Variants in FGF12 observed in about 807,000 individuals in gnomAD.
FGF12 encodes the protein fibroblast growth factor 12.
In FGF12, 14 loss-of-function variants were observed where a neutral mutation model predicts 23.6. That is an observed-to-expected ratio of 0.59 (90% CI 0.39 to 0.93). The LOEUF is 0.93. FGF12 is among the 40% of genes least tolerant of loss of function. The pLI, the probability that FGF12 is intolerant of heterozygous loss-of-function variation, is 0.00. For synonymous variants in FGF12, 62 were observed against 77.3 expected (o/e 0.80, Z 1.04); for missense variants, 175 against 217.8 (o/e 0.80, Z 1.24).
At chr3:192,209,216 A>G (rs1717805228) in intron 4 of FGF12, among the ~76,000 whole-genome samples, 1 of 152,204 alleles carries the variant, frequency 6.6e-6, no homozygotes, top group South Asian at 2.1e-4. Flanking sequence ...TCTTCCAGCT[A>G]TTGCCACTAC....
chr3:192,634,118 T>A (rs111872092), intron 2 of FGF12, among the ~76,000 whole-genome samples: 1 of 149,384 alleles, frequency 6.7e-6, no homozygotes, highest in Non-Finnish European at 1.5e-5. Context: ...TCATACTTTA[T>A]TCTTCCTTCC....
chr3:192,727,462 A>ATTTTTTTT (rs34864946), intron 1 of FGF12, 22 bp downstream of exon 1: 1 of 561,466 alleles, frequency 1.8e-6, no homozygotes, highest in Non-Finnish European at 2.9e-6. Flanking sequence ...GCCCGCTCAG[A>ATTTTTTTT]TTTTTTTTTT....
intron 2 of FGF12, among the ~76,000 whole-genome samples, chr3:192,462,680 A>T (rs1385732733): frequency 6.6e-6 from 1 of 152,196 alleles, no homozygotes; most frequent in Non-Finnish European, 1.5e-5. Context: ...AGGCATTACC[A>T]AGGTTCTTTA....
rs138400991 is a variant in FGF12 at position 192,445,880 on chromosome 3, C to T, written c.14-85342G>A. Among the ~76,000 whole-genome samples, 16 of 152,322 alleles carry T rather than the reference C, an allele frequency of 1.1e-4. No individual in the cohort carries two copies. The East Asian group carries it at 3.1e-3, about 29-fold the overall frequency. On this transcript the variant is annotated intron_variant, in intron 2 of 5. Coordinates refer to ENST00000445105, the MANE Select transcript of FGF12 (RefSeq NM_004113.6). Reference sequence around the variant, plus strand: ...ACAGAGTTGTTCCTCTCCTCTGCCACTCAGGCACCGTGACTGCAGAGTTAT... The same window carrying T: ...ACAGAGTTGTTCCTCTCCTCTGCCATTCAGGCACCGTGACTGCAGAGTTAT...
chr3:192,376,332 T>C (rs946585887), intron 2 of FGF12, among the ~76,000 whole-genome samples: 4 of 142,122 alleles, frequency 2.8e-5, no homozygotes, highest in African/African-American at 1.1e-4. Context: ...ATATAATTAT[T>C]AATTTAATTT....
chr3:192,273,455 TA>T (rs1338415034), intron 4 of FGF12, among the ~76,000 whole-genome samples: 51 of 152,152 alleles, frequency 3.4e-4, no homozygotes, highest in African/African-American at 1.2e-3. Flanking sequence ...ATAGGGCCTC[TA>T]AGAGAGTCCT....
chr3:192,391,543 T>C (rs1362502243), intron 2 of FGF12, among the ~76,000 whole-genome samples: 1 of 152,212 alleles, frequency 6.6e-6, no homozygotes, highest in Non-Finnish European at 1.5e-5. Flanking sequence ...AATTCTAATC[T>C]GGACTGAAGG....
chr3:192,535,814 G>A (rs537109526), intron 2 of FGF12, among the ~76,000 whole-genome samples: 54 of 152,236 alleles, frequency 3.5e-4, no homozygotes, highest in Non-Finnish European at 6.8e-4. Flanking sequence ...AGCTGTATCT[G>A]AGATACATAA....
intron 2 of FGF12, among the ~76,000 whole-genome samples, chr3:192,434,290 T>C (rs1721950198): frequency 6.6e-6 from 1 of 152,080 alleles, no homozygotes; most frequent in Non-Finnish European, 1.5e-5. Flanking sequence ...TCAGCGGAAG[T>C]GAAGGACATC....
intron 4 of FGF12, among the ~76,000 whole-genome samples, chr3:192,326,115 C>T (rs145781670): frequency 1.1e-3 from 169 of 152,238 alleles, no homozygotes; most frequent in African/African-American, 3.8e-3. Context: ...TTTTCAGTGC[C>T]ATGAGAGATA....
At position 192,409,671 on chromosome 3, in the gene FGF12, G is replaced by A. The variant is rs976974924; in HGVS notation, c.14-49133C>T. Reference sequence around the variant, plus strand: ...CTGGCTGCAGGCGATGTTGGCTCGCGGCGGCTGAGGCTCCTGGCCGGAGCT... The same window carrying A: ...CTGGCTGCAGGCGATGTTGGCTCGCAGCGGCTGAGGCTCCTGGCCGGAGCT... On this transcript the variant is annotated intron_variant, in intron 2 of 5. Coordinates refer to ENST00000445105, the MANE Select transcript of FGF12 (RefSeq NM_004113.6). The surrounding 1 kb of genome is among the most constrained non-coding windows in gnomAD (Gnocchi z 4.8). Among the ~76,000 whole-genome samples, 20 of 152,284 alleles carry A rather than the reference G, an allele frequency of 1.3e-4. No individual in the cohort carries two copies. Among genetic ancestry groups the A allele is most frequent in the Middle Eastern group, 3.4e-3 (1 of 292 alleles).
At chr3:192,432,910 C>T (rs1721908438) in intron 2 of FGF12, among the ~76,000 whole-genome samples, 1 of 152,106 alleles carries the variant, frequency 6.6e-6, no homozygotes, top group African/African-American at 2.4e-5. Context: ...AACTATTACA[C>T]CTTCCCTAAA....
intron 4 of FGF12, among the ~76,000 whole-genome samples, chr3:192,275,365 T>C (rs72607867): frequency 0.36 from 53,956 of 151,832 alleles, 10,647 homozygotes; most frequent in East Asian, 0.9. Context: ...AAAAGACCAA[T>C]TTGCTTTTTG....
intron 5 of FGF12, among the ~76,000 whole-genome samples, chr3:192,169,654 A>G (rs1715430596): frequency 6.6e-6 from 1 of 152,068 alleles, no homozygotes; most frequent in Admixed American, 6.6e-5. Context: ...TCAGACGAGG[A>G]TGCTGAGCCA....
intron 4 of FGF12, among the ~76,000 whole-genome samples, chr3:192,199,031 C>CT (rs1450098608): frequency 6.6e-6 from 1 of 152,212 alleles, no homozygotes; most frequent in Non-Finnish European, 1.5e-5. Flanking sequence ...TAGTAGTAAG[C>CT]TAATTTAGCT....
chr3:192,256,614 A>G (rs1712412987), intron 4 of FGF12, among the ~76,000 whole-genome samples: 1 of 152,150 alleles, frequency 6.6e-6, no homozygotes, highest in South Asian at 2.1e-4. Flanking sequence ...TTTTAACATC[A>G]AGTTTCTCTT....
In FGF12 at chr3:192,169,303, C is replaced by T. The variant is rs574429219; in HGVS notation, c.427+1155G>A. Among the ~76,000 whole-genome samples, 9 of 152,030 alleles carry T rather than the reference C, an allele frequency of 5.9e-5. No individual in the cohort carries two copies. In the Middle Eastern group the frequency reaches 0.01, roughly 172 times the overall value. ...CTGCAGTGAGCCGAGATTGCACCAC[C>T]GCACTCCAGCCTGGGTGACAGAGCA... On this transcript the variant is annotated intron_variant, in intron 5 of 5. Coordinates refer to ENST00000445105, the MANE Select transcript of FGF12 (RefSeq NM_004113.6).
At chr3:192,681,133 T>C (rs1219593525) in intron 2 of FGF12, among the ~76,000 whole-genome samples, 2 of 152,204 alleles carry the variant, frequency 1.3e-5, no homozygotes, top group Non-Finnish European at 2.9e-5. Flanking sequence ...AATTAATGTC[T>C]TCTTAAAAAT....
At chr3:192,303,951 C>T (rs1715480272) in intron 4 of FGF12, among the ~76,000 whole-genome samples, 1 of 152,204 alleles carries the variant, frequency 6.6e-6, no homozygotes, top group Admixed American at 6.5e-5. Flanking sequence ...ATAGCTTCAG[C>T]TCCCATCTGG....
Sources: gnomAD v4.1 joint callset for allele counts (sites outside exome capture counted in the v4.1 genomes callset) on GRCh38, gnomAD v4.1.1 for gene constraint, Gnocchi (gnomAD v3.1) non-coding constraint, MANE v1.5 for transcripts, NCBI Gene and HGNC (gene_info 2026-07-23, HGNC 2026-07-21) for gene names.